The following MYO18B variants were observed in gnomAD, a reference collection of about 807,000 sequenced individuals.
MYO18B encodes the protein myosin XVIIIB.
In MYO18B, 204 loss-of-function variants were observed where a neutral mutation model predicts 273.0. That is an observed-to-expected ratio of 0.75 (90% CI 0.67 to 0.84). The LOEUF is 0.84. MYO18B is among the 40% of genes least tolerant of loss of function. The pLI is 0.00. For missense variants in MYO18B, 3,212 were observed against 3,287.6 expected, an observed-to-expected ratio of 0.98 and a Z score of 0.56; for synonymous variants, 1,330 against 1,305.7, an observed-to-expected ratio of 1.02 and a Z score of -0.40.
intron 25 of MYO18B, among the ~76,000 whole-genome samples, chr22:25,886,534 C>T (rs1033092240): frequency 2.0e-5 from 3 of 152,178 alleles, no homozygotes; most frequent in African/African-American, 7.2e-5. Context: ...GCTTCCCTTC[C>T]ACTGGGCATC....
At chr22:25,753,499 A>C (rs558061135) in intron 1 of MYO18B, among the ~76,000 whole-genome samples, 1 of 152,168 alleles carries the variant, frequency 6.6e-6, no homozygotes, top group East Asian at 1.9e-4. Context: ...GCAGGCTGCC[A>C]GCACCAGCAC....
chr22:25,874,157 C>A, intron 22 of MYO18B, 129 bp from the exon 23 acceptor site: 1 of 1,156,072 alleles, frequency 8.6e-7, no homozygotes, highest in Non-Finnish European at 1.2e-6. Context: ...CCACCTCCCA[C>A]TTAAAGGGCA....
At chr22:25,860,629 C>A (rs767397901) in intron 21 of MYO18B, among the ~76,000 whole-genome samples, 5 of 152,116 alleles carry the variant, frequency 3.3e-5, no homozygotes, top group Admixed American at 1.3e-4. Context: ...ATATTTGGAA[C>A]TTTCTCACCT....
intron 39 of MYO18B, among the ~76,000 whole-genome samples, chr22:25,964,485 A>T (rs544071053): frequency 6.6e-6 from 1 of 152,114 alleles, no homozygotes. Context: ...TTAATAATAT[A>T]TGTTAATATT....
intron 9 of MYO18B, among the ~76,000 whole-genome samples, chr22:25,781,101 A>C (rs1053887586): frequency 6.6e-6 from 1 of 152,128 alleles, no homozygotes. Flanking sequence ...CTTAATCACT[A>C]TTTGGGTTAA....
the MYO18B span, among the ~76,000 whole-genome samples, chr22:26,044,209 T>G: frequency 6.6e-6 from 1 of 152,228 alleles, no homozygotes; most frequent in African/African-American, 2.4e-5. Context: ...AAGAATTCTT[T>G]ATATGATTTA....
chr22:25,997,686 T>G (rs1053357810), intron 40 of MYO18B, among the ~76,000 whole-genome samples: 15 of 152,160 alleles, frequency 9.9e-5, no homozygotes, highest in Admixed American at 5.2e-4. Flanking sequence ...AAATTGGTTA[T>G]AAACAATGAA....
At chr22:25,769,519 A>G in intron 4 of MYO18B, 91 bp downstream of exon 4, 1 of 984,816 alleles carries the variant, frequency 1.0e-6, no homozygotes, top group Non-Finnish European at 1.4e-6. Context: ...GGGATGGACA[A>G]GGGGTGGACG....
intron 12 of MYO18B, among the ~76,000 whole-genome samples, chr22:25,822,501 G>C (rs557475067): frequency 6.6e-6 from 1 of 152,328 alleles, no homozygotes; most frequent in South Asian, 2.1e-4. Context: ...ATGAGGACAG[G>C]CACCTTGTCT....
chr22:25,982,236 C>T (rs1164549508), intron 39 of MYO18B, among the ~76,000 whole-genome samples: 4 of 152,168 alleles, frequency 2.6e-5, no homozygotes, highest in African/African-American at 7.2e-5. Context: ...CAAACCACAT[C>T]AGTGGGAGAT....
At chr22:25,799,131 T>TTGTG (rs61488241) in intron 12 of MYO18B, among the ~76,000 whole-genome samples, 5,854 of 145,092 alleles carry the variant, frequency 0.04, 294 homozygotes, top group African/African-American at 0.12. Flanking sequence ...GTGTTTACGT[T>TTGTG]TGTGTGTGTG....
At chr22:25,809,067 C>T (rs537337844) in intron 12 of MYO18B, among the ~76,000 whole-genome samples, 171 of 152,134 alleles carry the variant, frequency 1.1e-3, no homozygotes, top group Non-Finnish European at 2.1e-3. Context: ...CTTAGCCTCC[C>T]GAGTAGCTGG....
intron 30 of MYO18B, 114 bp downstream of exon 30, chr22:25,902,850 GGTCT>G: frequency 8.3e-7 from 1 of 1,206,458 alleles, no homozygotes. Flanking sequence ...AGGGTATCCT[GGTCT>G]GTCAAGCAGC....
intron 25 of MYO18B, among the ~76,000 whole-genome samples, chr22:25,887,484 T>C (rs1306528180): frequency 1.3e-5 from 2 of 152,174 alleles, no homozygotes; most frequent in African/African-American, 4.8e-5. Context: ...TGTCCCTCAA[T>C]AGAAAGAATA....
chr22:25,978,613 C>T lies in MYO18B; in HGVS notation c.6157-13750C>T, dbSNP rs996714501. Among the ~76,000 whole-genome samples the T allele has an allele frequency of 5.3e-5, 8 of 152,274 alleles. No homozygotes were observed. In the South Asian group the frequency reaches 8.3e-4, roughly 16 times the overall value. On this transcript the variant is annotated intron_variant, in intron 39 of 43. Coordinates refer to ENST00000335473, the MANE Select transcript of MYO18B (RefSeq NM_032608.7). ...TCCTCCTTGGAGGCTTTGTGGAATA[C>T]AGTTGGAGAGTGGTGTAGATTGATG...
chr22:25,774,997 A>G (rs549406110), intron 7 of MYO18B, among the ~76,000 whole-genome samples: 3 of 152,342 alleles, frequency 2.0e-5, no homozygotes, highest in African/African-American at 4.8e-5. Flanking sequence ...ATGCAAAGGC[A>G]TGTGTGCATG....
chr22:26,040,532 G>T, the MYO18B span, among the ~76,000 whole-genome samples: 3 of 152,198 alleles, frequency 2.0e-5, no homozygotes, highest in Non-Finnish European at 2.9e-5. Flanking sequence ...GACGCTGAAA[G>T]CCTGGAGGAG....
At chr22:25,955,617 ATAT>A (rs2092841895) in intron 39 of MYO18B, among the ~76,000 whole-genome samples, 2 of 152,196 alleles carry the variant, frequency 1.3e-5, no homozygotes, top group African/African-American at 2.4e-5. Flanking sequence ...GTTCATTTAC[ATAT>A]CAGATCCCAG....
chr22:25,872,858 G>A (rs765785901), intron 22 of MYO18B, among the ~76,000 whole-genome samples: 10 of 152,172 alleles, frequency 6.6e-5, no homozygotes, highest in Non-Finnish European at 1.3e-4. Context: ...GTTATCCAGT[G>A]TCTCCAGATA....
Sources: allele counts gnomAD v4.1 joint callset (sites outside exome capture counted in the v4.1 genomes callset), GRCh38; gene constraint gnomAD v4.1.1; transcripts MANE v1.5; gene names NCBI Gene and HGNC (gene_info 2026-07-23, HGNC 2026-07-21).